The following ARHGAP8 variants were observed in gnomAD, a reference collection of about 807,000 sequenced individuals.
ARHGAP8 encodes the protein Rho GTPase activating protein 8, also known as rho GTPase-activating protein 8.
In ARHGAP8, 62 loss-of-function variants were observed where a neutral mutation model predicts 46.1. The observed-to-expected ratio is 1.34, with a 90% CI of 1.10 to 1.66. ARHGAP8 has a LOEUF of 1.66. Ranked by LOEUF, ARHGAP8 falls within the 40% of genes most tolerant of loss-of-function variation. The probability of loss-of-function intolerance (pLI) is 0.00; values close to 1 mark genes in which losing one functional copy is unlikely to be tolerated. For missense variants in ARHGAP8, 923 were observed against 568.4 expected (o/e 1.62, Z -6.34); for synonymous variants, 375 against 243.1 (o/e 1.54, Z -5.05).
intron 10 of ARHGAP8, 131 bp from the exon 11 acceptor site, chr22:44,859,600 T>A (rs955364824): frequency 4.3e-6 from 4 of 925,220 alleles, no homozygotes; most frequent in Non-Finnish European, 6.6e-6. Flanking sequence ...TAAGTGGGGG[T>A]CCCAAGCCCA....
intron 11 of ARHGAP8, among the ~76,000 whole-genome samples, chr22:44,860,527 G>A (rs892808445): frequency 4.5e-5 from 5 of 111,918 alleles, no homozygotes; most frequent in African/African-American, 1.6e-4. Context: ...AGATGACGCG[G>A]GATGATCTCA....
At chr22:44,757,219 A>G (rs918780753) in intron 1 of ARHGAP8, among the ~76,000 whole-genome samples, 10 of 151,808 alleles carry the variant, frequency 6.6e-5, no homozygotes, top group Non-Finnish European at 1.0e-4. Context: ...CCCGGCAGCA[A>G]CAAGTTCTTA....
intron 7 of ARHGAP8, among the ~76,000 whole-genome samples, chr22:44,835,666 C>A (rs1247395738): frequency 1.3e-5 from 2 of 152,132 alleles, no homozygotes; most frequent in Non-Finnish European, 2.9e-5. Context: ...GAGAATACAA[C>A]TTTTGGGTGT....
At chr22:44,797,534 C>T (rs926503676) in intron 2 of ARHGAP8, among the ~76,000 whole-genome samples, 1 of 152,166 alleles carries the variant, frequency 6.6e-6, no homozygotes, top group Non-Finnish European at 1.5e-5. Context: ...CCCTTTAAAA[C>T]AGAAGCTTGC....
In ARHGAP8 at chr22:44,768,656, G is replaced by T. The variant is rs117575065; in HGVS notation, c.-72+16029G>T. 3.3e-5 allele frequency among the ~76,000 whole-genome samples: 5 copies of T among 152,000 alleles called. No individual in the cohort carries two copies. In the East Asian group the frequency reaches 5.8e-4, roughly 18 times the overall value. On this transcript the variant is annotated intron_variant, in intron 1 of 11. Coordinates refer to ENST00000356099, the MANE Select transcript of ARHGAP8 (RefSeq NM_181335.3). ...GACCTAGGGGTATTTCCTGTAAACCGAACATTAGCACCGAAGGCTTAATTA... is the reference window on the plus strand; with the variant it reads ...GACCTAGGGGTATTTCCTGTAAACCTAACATTAGCACCGAAGGCTTAATTA...
At chr22:44,803,390 T>C (rs1471534173) in intron 3 of ARHGAP8, among the ~76,000 whole-genome samples, 1 of 152,156 alleles carries the variant, frequency 6.6e-6, no homozygotes. Flanking sequence ...AGGAACCTTT[T>C]ACTGCATTGA....
intron 1 of ARHGAP8, among the ~76,000 whole-genome samples, chr22:44,776,345 G>T (rs893162728): frequency 6.6e-6 from 1 of 152,030 alleles, no homozygotes; most frequent in African/African-American, 2.4e-5. Flanking sequence ...CCAGCTACTC[G>T]GGAGGCCGAG....
chr22:44,846,859 G>A (rs2069969812), intron 8 of ARHGAP8, among the ~76,000 whole-genome samples: 1 of 152,038 alleles, frequency 6.6e-6, no homozygotes, highest in Admixed American at 6.6e-5. Context: ...GGCCCTGCCA[G>A]ACCGGGGTCC....
At chr22:44,847,101 A>G (rs887382952) in intron 8 of ARHGAP8, among the ~76,000 whole-genome samples, 2 of 152,146 alleles carry the variant, frequency 1.3e-5, no homozygotes, top group Non-Finnish European at 2.9e-5. Flanking sequence ...GCACCTCCAG[A>G]TGCCTGCGCC....
rs754256329 is a variant in ARHGAP8, at chr22:44,859,664, C to A, written c.878-67C>A. Reference sequence around the variant, plus strand: ...TCCTTCCTACACCCCTGTTCTCCTCCCGGGCCGGGATGCAGCGCTGCCCCT... The same window carrying A: ...TCCTTCCTACACCCCTGTTCTCCTCACGGGCCGGGATGCAGCGCTGCCCCT... On this transcript the variant is annotated intron_variant, in intron 10 of 11. Coordinates refer to ENST00000356099, the MANE Select transcript of ARHGAP8 (RefSeq NM_181335.3). 3.2e-6 allele frequency: 5 copies of A among 1,566,794 alleles called. No individual in the cohort carries two copies. The East Asian group carries it at 1.1e-4, about 35-fold the overall frequency.
At chr22:44,859,688 CT>C (rs1171458235) in intron 10 of ARHGAP8, 42 bp from the exon 11 acceptor site, 5 of 1,604,890 alleles carry the variant, frequency 3.1e-6, no homozygotes, top group African/African-American at 2.7e-5. Flanking sequence ...AGCGCTGCCC[CT>C]GGCCCCTCTG....
At chr22:44,812,782 G>A (rs1269968288) in intron 4 of ARHGAP8, among the ~76,000 whole-genome samples, 1 of 152,134 alleles carries the variant, frequency 6.6e-6, no homozygotes, top group Non-Finnish European at 1.5e-5. Flanking sequence ...TTGTTCATAT[G>A]ATGGCAGCCA....
Position 44,862,322 on chromosome 22 carries a change from C to CTG in ARHGAP8, c.1033_1034dup (p.Phe346SerfsTer4). ...ACAAAATGAACAGCTCTAACCTGGCCTGTGTCTTCGGGCTGAATTTGATCT... is the reference window on the plus strand; with the variant it reads ...ACAAAATGAACAGCTCTAACCTGGCCTGTGTGTCTTCGGGCTGAATTTGATCT... On this transcript the variant is annotated frameshift_variant, in exon 12 of 12. Transcript: ENST00000356099. LOFTEE classifies it low-confidence loss of function (END_TRUNC). 6.2e-7 allele frequency: 1 copy of CTG among 1,613,692 alleles called. No individual in the cohort carries two copies. The highest frequency in any genetic ancestry group is 8.5e-7 in the Non-Finnish European group (1 of 1,179,746).
At chr22:44,832,047 G>C (rs1021677236) in intron 7 of ARHGAP8, among the ~76,000 whole-genome samples, 3 of 152,096 alleles carry the variant, frequency 2.0e-5, no homozygotes, top group African/African-American at 7.2e-5. Flanking sequence ...CCAATTTTGA[G>C]GGTATTGCCA....
In ARHGAP8 at chr22:44,808,455, C is replaced by T. The variant is rs1279339822; in HGVS notation, c.299+17C>T. 1 of 1,613,106 alleles carries T rather than the reference C, an allele frequency of 6.2e-7. No individual in the cohort carries two copies. The highest frequency in any genetic ancestry group is 2.2e-5 in the East Asian group (1 of 44,870). ...CGATAGGAAGTACGTGCCCGCAAGC[C>T]TTCAGGGACGTGGGTGTGGGCTGCT... On this transcript the variant is annotated intron_variant, in intron 4 of 11. Transcript: ENST00000356099.
chr22:44,774,820 C>G (rs942010032), intron 1 of ARHGAP8, among the ~76,000 whole-genome samples: 4 of 151,614 alleles, frequency 2.6e-5, no homozygotes, highest in Admixed American at 6.6e-5. Flanking sequence ...CCGTGCCTGG[C>G]CTTTTTTTGG....
intron 1 of ARHGAP8, among the ~76,000 whole-genome samples, chr22:44,776,991 GT>G (rs1926476023): frequency 6.6e-6 from 1 of 152,096 alleles, no homozygotes; most frequent in Non-Finnish European, 1.5e-5. Flanking sequence ...TGTTCCTGCT[GT>G]TTCTGGGACC....
chr22:44,802,036 GAGA>G, intron 2 of ARHGAP8, 38 bp from the exon 3 acceptor site: 5 of 1,608,320 alleles, frequency 3.1e-6, no homozygotes, highest in Non-Finnish European at 3.4e-6. Flanking sequence ...GATTTTCTAG[GAGA>G]AGGTGGCACA....
chr22:44,840,017 A>G (rs1931548496), intron 7 of ARHGAP8, among the ~76,000 whole-genome samples: 2 of 152,314 alleles, frequency 1.3e-5, no homozygotes, highest in African/African-American at 2.4e-5. Flanking sequence ...ACCTGCCCGC[A>G]GTGTCCCCAG....
Sources: gnomAD v4.1 joint callset for allele counts (sites outside exome capture counted in the v4.1 genomes callset) on GRCh38, gnomAD v4.1.1 for gene constraint, MANE v1.5 for transcripts, NCBI Gene and HGNC (gene_info 2026-07-23, HGNC 2026-07-21) for gene names.